The following AUTS2 variants were observed in gnomAD, a reference collection of about 807,000 sequenced individuals.
The protein encoded by AUTS2 is autism susceptibility gene 2 protein.
Under a neutral mutation model 112.4 loss-of-function variants are expected in AUTS2, and 17 were observed. The ratio of observed to expected loss-of-function variants is 0.15; its 90% CI spans 0.10 to 0.23. AUTS2 has a LOEUF of 0.23. AUTS2 is among the 10% of genes least tolerant of loss of function. The pLI is 1.00. For synonymous variants in AUTS2, 751 were observed against 702.7 expected (o/e 1.07, Z -1.09); for missense variants, 1,510 against 1,701.6 (o/e 0.89, Z 1.98).
At chr7:70,290,286 A>G in intron 4 of AUTS2, 1 of 1,325,842 alleles carries the variant, frequency 7.5e-7, no homozygotes. Flanking sequence ...AATGATGTAA[A>G]AAAAACATTT....
chr7:69,962,194 A>G (rs148170435), intron 2 of AUTS2, among the ~76,000 whole-genome samples: 6 of 152,224 alleles, frequency 3.9e-5, no homozygotes, highest in East Asian at 1.9e-4. Context: ...CCCACCTTCA[A>G]AATCCTGGAT....
intron 5 of AUTS2, among the ~76,000 whole-genome samples, chr7:70,541,349 T>G (rs1800545397): frequency 6.6e-6 from 1 of 152,190 alleles, no homozygotes; most frequent in Non-Finnish European, 1.5e-5. Flanking sequence ...GCTGTTTCGA[T>G]AGCCTTAAAA....
At chr7:70,264,005 T>G (rs533298529) in intron 4 of AUTS2, among the ~76,000 whole-genome samples, 2 of 152,218 alleles carry the variant, frequency 1.3e-5, no homozygotes, top group African/African-American at 4.8e-5. Context: ...TTTTCAAAAC[T>G]GTGTAGAAAT....
chr7:69,914,488 C>T (rs1471992354), intron 2 of AUTS2, among the ~76,000 whole-genome samples: 1 of 151,596 alleles, frequency 6.6e-6, no homozygotes, highest in Non-Finnish European at 1.5e-5. Flanking sequence ...ATGCTGCACA[C>T]CAAGCAAAAA....
chr7:70,333,754 C>A (rs2129619743), intron 4 of AUTS2, among the ~76,000 whole-genome samples: 1 of 151,868 alleles, frequency 6.6e-6, no homozygotes, highest in East Asian at 1.9e-4. Flanking sequence ...GGGAGATGAA[C>A]AATGAGAACA....
At chr7:70,698,548 T>C (rs755594563) in intron 5 of AUTS2, 21 bp from the exon 6 acceptor site, 54 of 1,594,456 alleles carry the variant, frequency 3.4e-5, no homozygotes, top group Middle Eastern at 1.7e-4. Context: ...TAATGCTTTT[T>C]TCCCCCTTCT....
intron 5 of AUTS2, among the ~76,000 whole-genome samples, chr7:70,661,046 G>T (rs748301489): frequency 6.6e-6 from 1 of 151,810 alleles, no homozygotes; most frequent in African/African-American, 2.4e-5. Flanking sequence ...ACTTTTATTT[G>T]TCTTTCTCCC....
At chr7:69,624,621 A>G (rs1455366356) in intron 1 of AUTS2, among the ~76,000 whole-genome samples, 2 of 152,206 alleles carry the variant, frequency 1.3e-5, no homozygotes, top group African/African-American at 4.8e-5. Context: ...CAGCAGCTAC[A>G]CATCTGTGCT....
At chr7:70,468,416 G>A (rs1006023904) in intron 5 of AUTS2, among the ~76,000 whole-genome samples, 4 of 152,088 alleles carry the variant, frequency 2.6e-5, no homozygotes, top group Admixed American at 2.6e-4. Context: ...AATTTTCTTG[G>A]CTTAAAGGGA....
chr7:69,937,667 A>G (rs966207082), intron 2 of AUTS2, among the ~76,000 whole-genome samples: 3 of 152,290 alleles, frequency 2.0e-5, no homozygotes, highest in African/African-American at 4.8e-5. Flanking sequence ...CCTGAGTACA[A>G]TATTAGGCTT....
chr7:69,682,278 A>T (rs1356461807), intron 1 of AUTS2, among the ~76,000 whole-genome samples: 1 of 152,142 alleles, frequency 6.6e-6, no homozygotes, highest in East Asian at 1.9e-4. Context: ...AACAGTAGAG[A>T]TTATGCTTTA....
intron 1 of AUTS2, among the ~76,000 whole-genome samples, chr7:69,611,264 C>A (rs1793017539): frequency 6.6e-6 from 1 of 152,094 alleles, no homozygotes; most frequent in Non-Finnish European, 1.5e-5. Flanking sequence ...GTTTGTATTT[C>A]CAGATGTGAG....
intron 1 of AUTS2, among the ~76,000 whole-genome samples, chr7:69,634,995 C>A (rs1430449470): frequency 9.3e-6 from 1 of 107,216 alleles, no homozygotes; most frequent in African/African-American, 4.0e-5. Context: ...AGATCCGCTC[C>A]TTGTAATTTT....
intron 11 of AUTS2, among the ~76,000 whole-genome samples, chr7:70,773,336 C>T (rs1289726904): frequency 2.0e-5 from 3 of 152,054 alleles, no homozygotes; most frequent in Non-Finnish European, 2.9e-5. Context: ...GTGATTGTGC[C>T]CAAAGTAGGC....
At chr7:70,714,462 A>T (rs537729825) in intron 6 of AUTS2, among the ~76,000 whole-genome samples, 1 of 152,338 alleles carries the variant, frequency 6.6e-6, no homozygotes, top group South Asian at 2.1e-4. Context: ...CACTAACTAA[A>T]TATGCAGTAA....
At chr7:70,552,225 T>C (rs996715812) in intron 5 of AUTS2, among the ~76,000 whole-genome samples, 3 of 152,188 alleles carry the variant, frequency 2.0e-5, no homozygotes, top group Admixed American at 2.0e-4. Context: ...TGTGCAAGGA[T>C]TTTTTTGTTG....
chr7:70,088,429 A>C (rs1803728728), intron 2 of AUTS2, among the ~76,000 whole-genome samples: 1 of 151,292 alleles, frequency 6.6e-6, no homozygotes, highest in Non-Finnish European at 1.5e-5. Context: ...GCCTGGCCAC[A>C]GGTTTCATTC....
intron 1 of AUTS2, among the ~76,000 whole-genome samples, chr7:69,821,252 G>T (rs1371780430): frequency 6.6e-6 from 1 of 152,178 alleles, no homozygotes. Flanking sequence ...AGTTTTTCAT[G>T]CACCTGTAGT....
intron 2 of AUTS2, among the ~76,000 whole-genome samples, chr7:70,035,291 CCTCT>C (rs1800952141): frequency 6.6e-6 from 1 of 152,138 alleles, no homozygotes; most frequent in Non-Finnish European, 1.5e-5. Context: ...AAGTGACATG[CCTCT>C]CTAAGTTTCC....
Sources: gnomAD v4.1 joint callset for allele counts (sites outside exome capture counted in the v4.1 genomes callset) on GRCh38, gnomAD v4.1.1 for gene constraint, MANE v1.5 for transcripts, NCBI Gene and HGNC (gene_info 2026-07-23, HGNC 2026-07-21) for gene names.